GRID2: variants seen among roughly 807,000 people sequenced by gnomAD.
The protein encoded by GRID2 is glutamate receptor ionotropic, delta-2.
GRID2 carries 33 observed loss-of-function variants against 114.8 expected under a neutral mutation model. The observed-to-expected ratio is 0.29, with a 90% confidence interval of 0.22 to 0.38. The LOEUF (loss-of-function observed/expected upper bound fraction) is 0.38, where lower values mean the gene tolerates loss of function less well. GRID2 is among the 10% of genes least tolerant of loss of function. GRID2 has a pLI of 1.00. For missense variants in GRID2, 1,184 were observed against 1,257.7 expected (o/e 0.94, Z 0.89); for synonymous variants, 505 against 449.9 (o/e 1.12, Z -1.55).
At chr4:92,931,064 A>G (rs1750193921) in intron 2 of GRID2, among the ~76,000 whole-genome samples, 1 of 150,768 alleles carries the variant, frequency 6.6e-6, no homozygotes, top group Non-Finnish European at 1.5e-5. Flanking sequence ...CATAACAAAG[A>G]AGAAATTGCA....
intron 8 of GRID2, among the ~76,000 whole-genome samples, chr4:93,392,947 G>T (rs1764993494): frequency 6.6e-6 from 1 of 151,868 alleles, no homozygotes; most frequent in Admixed American, 6.6e-5. Context: ...TTCTCATATG[G>T]TCATTGTGAA....
intron 8 of GRID2, among the ~76,000 whole-genome samples, chr4:93,349,883 A>C (rs1488894087): frequency 6.6e-6 from 1 of 152,094 alleles, no homozygotes; most frequent in Non-Finnish European, 1.5e-5. Flanking sequence ...ATTATGATAA[A>C]ATAAATAAAT....
chr4:92,377,389 A>T (rs992942447), intron 1 of GRID2, among the ~76,000 whole-genome samples: 5 of 151,996 alleles, frequency 3.3e-5, no homozygotes, highest in Admixed American at 6.6e-5. Context: ...CCCAGACTTT[A>T]TTGTCCCCAT....
At chr4:93,619,524 G>T (rs1379666897) in intron 13 of GRID2, among the ~76,000 whole-genome samples, 1 of 152,180 alleles carries the variant, frequency 6.6e-6, no homozygotes, top group Non-Finnish European at 1.5e-5. Context: ...GGCAAGGCTA[G>T]AATTTATTTC....
chr4:93,692,776 T>G (rs1047968520), intron 14 of GRID2, among the ~76,000 whole-genome samples: 2 of 152,220 alleles, frequency 1.3e-5, no homozygotes, highest in Non-Finnish European at 2.9e-5. Flanking sequence ...TTTATAAAGT[T>G]TTCTTCATTG....
chr4:92,855,545 T>C (rs1206814394), intron 2 of GRID2, among the ~76,000 whole-genome samples: 1 of 152,034 alleles, frequency 6.6e-6, no homozygotes, highest in African/African-American at 2.4e-5. Flanking sequence ...ATCACTAATA[T>C]TGTAATTCCA....
chr4:93,668,866 G>A (rs1046275020), intron 14 of GRID2, among the ~76,000 whole-genome samples: 10 of 152,212 alleles, frequency 6.6e-5, no homozygotes, highest in African/African-American at 2.4e-4. Flanking sequence ...TAAAAAATGT[G>A]TCTAAAATAA....
At chr4:92,797,689 C>A (rs534385911) in intron 2 of GRID2, among the ~76,000 whole-genome samples, 26 of 151,772 alleles carry the variant, frequency 1.7e-4, no homozygotes, top group African/African-American at 6.0e-4. Flanking sequence ...CTAACTTTTT[C>A]TTTTTTTGCT....
intron 2 of GRID2, among the ~76,000 whole-genome samples, chr4:92,826,643 C>G (rs755126518): frequency 6.6e-6 from 1 of 152,084 alleles, no homozygotes; most frequent in Admixed American, 6.6e-5. Context: ...GTTAAGCTTA[C>G]TAGACTACTT....
intron 1 of GRID2, among the ~76,000 whole-genome samples, chr4:92,365,456 GA>G (rs1728811540): frequency 6.6e-6 from 1 of 151,990 alleles, no homozygotes; most frequent in Middle Eastern, 3.4e-3. Flanking sequence ...GTAGAGAGTA[GA>G]ATGAGAGTTA....
chr4:92,812,839 G>A (rs1348548709), intron 2 of GRID2, among the ~76,000 whole-genome samples: 2 of 152,100 alleles, frequency 1.3e-5, no homozygotes, highest in Admixed American at 6.6e-5. Flanking sequence ...TGAAGGTGTT[G>A]CTTGAAGTTT....
chr4:93,630,192 CT>C (rs112488842), intron 14 of GRID2, among the ~76,000 whole-genome samples: 7 of 151,268 alleles, frequency 4.6e-5, no homozygotes, highest in South Asian at 2.1e-4. Flanking sequence ...TAAAGTCAGT[CT>C]TTTTTTTTGG....
At chr4:93,117,971 A>G (rs1225916394) in intron 4 of GRID2, among the ~76,000 whole-genome samples, 1 of 152,196 alleles carries the variant, frequency 6.6e-6, no homozygotes, top group Non-Finnish European at 1.5e-5. Flanking sequence ...ATAGGATTTT[A>G]TAGAACCTCG....
chr4:92,604,695 T>C (rs187724543), intron 2 of GRID2, among the ~76,000 whole-genome samples: 14 of 152,162 alleles, frequency 9.2e-5, no homozygotes, highest in Admixed American at 5.9e-4. Context: ...AAATAAAATA[T>C]TTTTTAATCC....
intron 2 of GRID2, among the ~76,000 whole-genome samples, chr4:92,999,336 AT>A (rs1168250117): frequency 6.6e-6 from 1 of 151,744 alleles, no homozygotes; most frequent in Non-Finnish European, 1.5e-5. Context: ...AAAGTAACCA[AT>A]TTTCCCAGTT....
intron 1 of GRID2, among the ~76,000 whole-genome samples, chr4:92,536,832 G>T (rs1251762087): frequency 6.6e-6 from 1 of 151,938 alleles, no homozygotes; most frequent in African/African-American, 2.4e-5. Flanking sequence ...GTTAAGATGC[G>T]GTTTTCAAAA....
intron 9 of GRID2, among the ~76,000 whole-genome samples, chr4:93,418,100 T>C (rs1043567776): frequency 2.6e-5 from 4 of 151,620 alleles, no homozygotes; most frequent in African/African-American, 9.7e-5. Flanking sequence ...CAAAATATTT[T>C]TCAAAATGGT....
At chr4:92,711,490 TC>T (rs1735248233) in intron 2 of GRID2, among the ~76,000 whole-genome samples, 1 of 152,246 alleles carries the variant, frequency 6.6e-6, no homozygotes, top group African/African-American at 2.4e-5. Context: ...TAAAGGCCAC[TC>T]TCAGGCTTTG....
At chr4:93,788,721 T>C (rs1734640645) in intron 1 of GRID2, among the ~76,000 whole-genome samples, 1 of 152,204 alleles carries the variant, frequency 6.6e-6, no homozygotes, top group African/African-American at 2.4e-5. Context: ...TCCTATGCGG[T>C]AGAATAACTA....
Sources: gnomAD v4.1 joint callset for allele counts (sites outside exome capture counted in the v4.1 genomes callset) on GRCh38, gnomAD v4.1.1 for gene constraint, MANE v1.5 for transcripts, NCBI Gene and HGNC (gene_info 2026-07-23, HGNC 2026-07-21) for gene names.